The following GPC5 variants were observed in gnomAD, a reference collection of about 807,000 sequenced individuals.
The protein encoded by GPC5 is glypican 5, also known as glypican-5.
A neutral mutation model predicts 53.9 loss-of-function variants in GPC5; 47 were observed. The observed-to-expected ratio is 0.87, with a 90% CI of 0.69 to 1.11. The LOEUF (loss-of-function observed/expected upper bound fraction) is 1.11, where lower values mean the gene tolerates loss of function less well. GPC5 is among the 50% of genes most tolerant of loss of function. The pLI is 0.00. For missense variants in GPC5, 748 were observed against 713.1 expected (o/e 1.05, Z -0.56); for synonymous variants, 286 against 263.3 (o/e 1.09, Z -0.84).
chr13:91,433,612 T>C (rs1879671212), intron 1 of GPC5, among the ~76,000 whole-genome samples: 1 of 152,208 alleles, frequency 6.6e-6, no homozygotes, highest in Admixed American at 6.5e-5. Context: ...GTTGGACATT[T>C]GGGTTGGTTC....
At position 92,484,955 on chromosome 13, in the gene GPC5, C is replaced by T. The variant is rs140937541; in HGVS notation, c.1561+339966C>T. 4.4e-3 allele frequency among the ~76,000 whole-genome samples: 670 copies of T among 152,078 alleles called. 6 individuals are homozygous for T. Among genetic ancestry groups the T allele is most frequent in the African/African-American group, 0.015 (617 of 41,478 alleles). On this transcript the variant is annotated intron_variant, in intron 7 of 7. Coordinates refer to ENST00000377067, the MANE Select transcript of GPC5 (RefSeq NM_004466.6). ...TTTCACCGGTTGACCAAGTTGGTCTCGAACTCCTGACCTCAAGTGATCCAC... is the reference window on the plus strand; with the variant it reads ...TTTCACCGGTTGACCAAGTTGGTCTTGAACTCCTGACCTCAAGTGATCCAC...
intron 7 of GPC5, among the ~76,000 whole-genome samples, chr13:92,568,195 A>G (rs1228939464): frequency 1.3e-5 from 2 of 152,142 alleles, no homozygotes; most frequent in African/African-American, 2.4e-5. Flanking sequence ...TACTACTATT[A>G]TTTATTACCA....
intron 2 of GPC5, among the ~76,000 whole-genome samples, chr13:91,513,968 G>A (rs1885366837): frequency 6.6e-6 from 1 of 152,172 alleles, no homozygotes; most frequent in Non-Finnish European, 1.5e-5. Flanking sequence ...CAAGTTGCAT[G>A]TATTGATAGT....
At chr13:92,500,963 C>A (rs1226427116) in intron 7 of GPC5, among the ~76,000 whole-genome samples, 1 of 152,070 alleles carries the variant, frequency 6.6e-6, no homozygotes, top group Non-Finnish European at 1.5e-5. Context: ...AGTGGCTTGA[C>A]CCCTACCCAG....
At chr13:92,234,941 A>G (rs768370278) in intron 7 of GPC5, among the ~76,000 whole-genome samples, 1 of 152,188 alleles carries the variant, frequency 6.6e-6, no homozygotes, top group African/African-American at 2.4e-5. Context: ...ATTTGGGGCC[A>G]TACAATCAGG....
At chr13:91,610,681 T>C (rs2033520215) in intron 2 of GPC5, among the ~76,000 whole-genome samples, 1 of 152,234 alleles carries the variant, frequency 6.6e-6, no homozygotes, top group Non-Finnish European at 1.5e-5. Context: ...CATCTGTGAA[T>C]TTTTAAAAAC....
intron 2 of GPC5, among the ~76,000 whole-genome samples, chr13:91,512,401 G>T (rs1227611760): frequency 3.3e-5 from 5 of 152,152 alleles, no homozygotes; most frequent in African/African-American, 1.2e-4. Context: ...AGTATCTTGG[G>T]GGGATTTTTT....
At chr13:92,645,072 TA>T (rs1594377731) in intron 7 of GPC5, among the ~76,000 whole-genome samples, 2 of 152,320 alleles carry the variant, frequency 1.3e-5, no homozygotes, top group East Asian at 3.9e-4. Context: ...CATGTTTTGA[TA>T]AAAGCATAGT....
At chr13:92,347,865 T>TATATATA (rs2043428820) in intron 7 of GPC5, among the ~76,000 whole-genome samples, 1 of 13,508 alleles carries the variant, frequency 7.4e-5, no homozygotes, top group African/African-American at 6.9e-4. Flanking sequence ...ATATATATAT[T>TATATATA]ATATATATAA....
At chr13:91,572,190 C>CACATATGTATATATACGTGTGTATAT (rs1566517500) in intron 2 of GPC5, among the ~76,000 whole-genome samples, 12 of 45,040 alleles carry the variant, frequency 2.7e-4, no homozygotes, top group Non-Finnish European at 4.8e-4. Context: ...CGTGTGTATA[C>CACATATGTATATATACGTGTGTATAT]ACACACATAT....
At chr13:91,635,883 A>G (rs1394891788) in intron 2 of GPC5, among the ~76,000 whole-genome samples, 4 of 152,116 alleles carry the variant, frequency 2.6e-5, no homozygotes, top group Non-Finnish European at 5.9e-5. Context: ...CATCTTTACA[A>G]TGTAGAGTCT....
intron 1 of GPC5, among the ~76,000 whole-genome samples, chr13:91,439,230 T>C (rs1293613989): frequency 6.6e-6 from 1 of 152,248 alleles, no homozygotes; most frequent in Non-Finnish European, 1.5e-5. Flanking sequence ...AGAGACATTT[T>C]GATTGTTATA....
chr13:92,406,603 T>C (rs528062563), intron 7 of GPC5, among the ~76,000 whole-genome samples: 17 of 152,276 alleles, frequency 1.1e-4, no homozygotes, highest in African/African-American at 1.9e-4. Flanking sequence ...ATCTAACACA[T>C]AGAGGCCCCC....
intron 5 of GPC5, among the ~76,000 whole-genome samples, chr13:91,902,685 T>C (rs927935377): frequency 1.3e-4 from 20 of 152,116 alleles, no homozygotes; most frequent in African/African-American, 4.6e-4. Flanking sequence ...AAGAAGGAAT[T>C]AATGATTTAT....
In GPC5 at chr13:91,919,556, T is replaced by C. The variant is rs2039691100; in HGVS notation, c.1401+11499T>C. Among the ~76,000 whole-genome samples, 2 of 152,166 alleles carry C rather than the reference T, an allele frequency of 1.3e-5. 1 individual carries two copies. The highest frequency in any genetic ancestry group is 4.1e-4 in the South Asian group (2 of 4,826). ...TTAAATGTGAAAATTTGGCCACATG[T>C]TACAATTCAATTATATTCACAGAAG... On this transcript the variant is annotated intron_variant, in intron 6 of 7. Coordinates refer to ENST00000377067, the MANE Select transcript of GPC5 (RefSeq NM_004466.6).
At chr13:92,227,862 A>T (rs1466954498) in intron 7 of GPC5, among the ~76,000 whole-genome samples, 1 of 152,156 alleles carries the variant, frequency 6.6e-6, no homozygotes, top group Non-Finnish European at 1.5e-5. Context: ...TGACTTCCAC[A>T]GAACTTAACT....
At position 92,004,825 on chromosome 13, in the gene GPC5, C is replaced by G. The variant is rs532543749; in HGVS notation, c.1401+96768C>G. Among the ~76,000 whole-genome samples the G allele has an allele frequency of 5.3e-5, 8 of 152,172 alleles. No individual in the cohort carries two copies. In the East Asian group the frequency reaches 9.7e-4, roughly 18 times the overall value. On this transcript the variant is annotated intron_variant, in intron 6 of 7. Coordinates refer to ENST00000377067, the MANE Select transcript of GPC5 (RefSeq NM_004466.6). ...TGTAAAAACATCAGATCTTAAGAGA[C>G]TTATTCACTAACATGAGAACATTGT...
intron 7 of GPC5, among the ~76,000 whole-genome samples, chr13:92,618,409 G>C (rs1884767591): frequency 6.6e-6 from 1 of 151,956 alleles, no homozygotes; most frequent in South Asian, 2.1e-4. Context: ...TTTATGATCT[G>C]AGATACTACA....
intron 7 of GPC5, among the ~76,000 whole-genome samples, chr13:92,391,031 A>G (rs1326803347): frequency 6.6e-6 from 1 of 152,124 alleles, no homozygotes; most frequent in Non-Finnish European, 1.5e-5. Context: ...ATTAATGTTC[A>G]TTTATTTTCT....
Sources: allele counts gnomAD v4.1 joint callset (sites outside exome capture counted in the v4.1 genomes callset), GRCh38; gene constraint gnomAD v4.1.1; transcripts MANE v1.5; gene names NCBI Gene and HGNC (gene_info 2026-07-23, HGNC 2026-07-21).